IMPACT: variants seen among roughly 807,000 people sequenced by gnomAD.
The protein encoded by IMPACT is protein IMPACT.
Under a neutral mutation model 47.5 loss-of-function variants are expected in IMPACT, and 35 were observed. The ratio of observed to expected loss-of-function variants is 0.74; its 90% CI spans 0.56 to 0.98. The LOEUF is 0.98. Among genes scored for constraint, IMPACT ranks in the 50% least tolerant of loss-of-function variants. The pLI is 0.00. For missense variants in IMPACT, 373 were observed against 394.8 expected, an observed-to-expected ratio of 0.94 and a Z score of 0.47; for synonymous variants, 118 against 125.6, an observed-to-expected ratio of 0.94 and a Z score of 0.40.
intron 4 of IMPACT, among the ~76,000 whole-genome samples, chr18:24,436,613 A>G (rs1038524473): frequency 1.3e-5 from 2 of 150,318 alleles, no homozygotes; most frequent in Non-Finnish European, 3.0e-5. Flanking sequence ...CAGTGGCACG[A>G]TCTCCACTCA....
chr18:24,431,928 C>T (rs899778650), intron 4 of IMPACT, among the ~76,000 whole-genome samples: 2 of 152,184 alleles, frequency 1.3e-5, no homozygotes, highest in Non-Finnish European at 2.9e-5. Context: ...TCTCGAACTC[C>T]TGACCTTAAA....
chr18:24,453,226 A>G lies in IMPACT; in HGVS notation c.*2379A>G, dbSNP rs1909430596. Reference sequence around the variant, plus strand: ...AAACAGAGCCTTTCTGAAGAGAATTATATCAAACTAATTACAACCAAGAAA... The same window carrying G: ...AAACAGAGCCTTTCTGAAGAGAATTGTATCAAACTAATTACAACCAAGAAA... On this transcript the variant is annotated 3_prime_UTR_variant, in exon 11 of 11. Coordinates refer to ENST00000284202, the MANE Select transcript of IMPACT (RefSeq NM_018439.4). The G allele has an allele frequency of 6.6e-6, 1 of 152,252 alleles. No individual in the cohort carries two copies. The highest frequency in any genetic ancestry group is 6.5e-5 in the Admixed American group (1 of 15,290). The allele number at this position is 152,252 out of a possible 1,614,324, so 9.4% of individuals were successfully genotyped here.
In IMPACT at chr18:24,443,136, T is replaced by C. The variant is rs1213431944; in HGVS notation, c.578T>C (p.Val193Ala). The C allele has an allele frequency of 6.3e-7, 1 of 1,591,478 alleles. No homozygotes were observed. The change falls in exon 7 of 11, where the codon GTG becomes GCG. Residue 193 changes from valine to alanine, a missense_variant. Val to Ala is a moderately conservative substitution (Grantham distance 64, BLOSUM62 0). Coordinates refer to ENST00000284202, the MANE Select transcript of IMPACT (RefSeq NM_018439.4). ...RSTFQAHLAPVVCPKQVKMVL... is the reference protein window; with the variant it reads ...RSTFQAHLAPAVCPKQVKMVL... Reference sequence around the variant, plus strand: ...ACTTTTCAGGCACACTTGGCTCCAGTGGTTTGTCCCAAACAGGTAAAGTTC... The same window carrying C: ...ACTTTTCAGGCACACTTGGCTCCAGCGGTTTGTCCCAAACAGGTAAAGTTC...
At position 24,451,641 on chromosome 18, in the gene IMPACT, C is replaced by A. The variant is rs1415067496; in HGVS notation, c.*794C>A. On this transcript the variant is annotated 3_prime_UTR_variant, in exon 11 of 11. Transcript: ENST00000284202. Reference sequence around the variant, plus strand: ...CGTTTCTTTTAACAACCTGGAAGTACCTTTCTTGTGATCTTCACTGAGGAA... The same window carrying A: ...CGTTTCTTTTAACAACCTGGAAGTAACTTTCTTGTGATCTTCACTGAGGAA... 2 of 152,094 alleles carry A rather than the reference C, an allele frequency of 1.3e-5. No homozygotes were observed. The highest frequency in any genetic ancestry group is 2.9e-5 in the Non-Finnish European group (2 of 68,020). 9.4% of individuals were successfully genotyped at this position (152,094 alleles called of 1,614,324 possible). A position where few individuals can be genotyped will look rare whatever the true frequency, so the allele number is the denominator to read the frequency against.
chr18:24,427,118 A>G (rs1908630357), intron 1 of IMPACT: 1 of 307,170 alleles, frequency 3.3e-6, no homozygotes, highest in Non-Finnish European at 5.9e-6. Context: ...CATCTTGGAC[A>G]AATCACTTAA....
intron 9 of IMPACT, 140 bp from the exon 10 acceptor site, chr18:24,449,679 C>A: frequency 1.5e-6 from 1 of 655,300 alleles, no homozygotes; most frequent in Non-Finnish European, 2.7e-6. Context: ...AGTGCCTACT[C>A]ACTCATATGG....
intron 7 of IMPACT, among the ~76,000 whole-genome samples, chr18:24,443,652 G>T (rs555421681): frequency 6.6e-6 from 1 of 152,292 alleles, no homozygotes; most frequent in Non-Finnish European, 1.5e-5. Context: ...CCATTCCTCT[G>T]TTATTATTCA....
At chr18:24,449,158 C>T (rs886393629) in intron 9 of IMPACT, among the ~76,000 whole-genome samples, 6 of 151,976 alleles carry the variant, frequency 3.9e-5, no homozygotes, top group East Asian at 1.9e-4. Context: ...CCCAGGAGTT[C>T]GAAACCAGCC....
At chr18:24,439,391 A>G (rs1187967037) in intron 5 of IMPACT, 2 of 152,434 alleles carry the variant, frequency 1.3e-5, no homozygotes, top group Admixed American at 1.3e-4. Flanking sequence ...ATTACCCAGC[A>G]CGTTGGGAGG....
intron 4 of IMPACT, among the ~76,000 whole-genome samples, chr18:24,437,714 C>T (rs1288825149): frequency 1.3e-5 from 2 of 152,138 alleles, no homozygotes; most frequent in Admixed American, 1.3e-4. Flanking sequence ...TACAGCTCTT[C>T]TGCTTATTTT....
intron 5 of IMPACT, 48 bp downstream of exon 5, chr18:24,438,088 C>T (rs754271849): frequency 1.2e-6 from 1 of 823,436 alleles, no homozygotes; most frequent in South Asian, 1.6e-5. Context: ...ATAATAACTA[C>T]ATTTTTATGT....
intron 6 of IMPACT, among the ~76,000 whole-genome samples, chr18:24,442,218 A>G (rs1909135093): frequency 6.6e-6 from 1 of 151,082 alleles, no homozygotes; most frequent in African/African-American, 2.4e-5. Context: ...CAATGGCACA[A>G]ACTCGGCTCA....
chr18:24,429,026 A>T, intron 3 of IMPACT, 105 bp downstream of exon 3: 1 of 681,962 alleles, frequency 1.5e-6, no homozygotes, highest in Non-Finnish European at 2.4e-6. Flanking sequence ...ATTAACATGT[A>T]TATAGAAATT....
At chr18:24,432,809 G>A (rs995429066) in intron 4 of IMPACT, among the ~76,000 whole-genome samples, 2 of 151,866 alleles carry the variant, frequency 1.3e-5, no homozygotes, top group African/African-American at 4.8e-5. Flanking sequence ...ACTTTTGGTG[G>A]TATTGACCAC....
chr18:24,426,805 CG>C lies in IMPACT; in HGVS notation c.36+17del. On this transcript the variant is annotated intron_variant, in intron 1 of 10. Coordinates refer to ENST00000284202, the MANE Select transcript of IMPACT (RefSeq NM_018439.4). ...CGACCAGAGGCAGGTGAGGCCCCGG[CG>C]GGGTGCTGTCTCTCCAGGCTCGGCT... The C allele has an allele frequency of 7.3e-6, 9 of 1,237,892 alleles. No individual in the cohort carries two copies. Among genetic ancestry groups the C allele is most frequent in the Admixed American group, 4.2e-5 (1 of 23,706 alleles). The allele number at this position is 1,237,892 out of a possible 1,614,324, so 76.7% of individuals were successfully genotyped here.
At chr18:24,437,860 T>C in intron 4 of IMPACT, 95 bp from the exon 5 acceptor site, 2 of 679,674 alleles carry the variant, frequency 2.9e-6, no homozygotes, top group Non-Finnish European at 5.2e-6. Context: ...TTAGATTGTT[T>C]ATAATGTCTT....
intron 4 of IMPACT, chr18:24,435,508 T>C (rs1028938837): frequency 3.3e-5 from 5 of 152,224 alleles, no homozygotes; most frequent in Non-Finnish European, 7.3e-5. Context: ...CACATTTCGA[T>C]GTATCATGGC....
rs1423444180 is a variant in IMPACT, at chr18:24,433,667, T to A, written c.281+3283T>A. On this transcript the variant is annotated intron_variant, in intron 4 of 10. Transcript: ENST00000284202. ...TTTTAAAACTTTTGTGTGACAGCAT[T>A]TTTTTTTTTTTTTTTTTTTCTGAGA... Among the ~76,000 whole-genome samples the A allele has an allele frequency of 1.8e-4, 3 of 17,004 alleles. No homozygotes were observed. In the East Asian group the frequency reaches 3.6e-3, roughly 20 times the overall value. 11.2% of individuals were successfully genotyped at this position (17,004 alleles called of 152,430 possible). A position where few individuals can be genotyped will look rare whatever the true frequency, so the allele number is the denominator to read the frequency against.
chr18:24,427,836 A>G (rs1908652244), intron 1 of IMPACT, 83 bp from the exon 2 acceptor site: 1 of 1,357,194 alleles, frequency 7.4e-7, no homozygotes, highest in Non-Finnish European at 1.0e-6. Context: ...GGTAATGTTG[A>G]ATTTGAATAC....
Sources: allele counts gnomAD v4.1 joint callset (sites outside exome capture counted in the v4.1 genomes callset), GRCh38; gene constraint gnomAD v4.1.1; transcripts MANE v1.5; gene names NCBI Gene and HGNC (gene_info 2026-07-23, HGNC 2026-07-21).